The following TAF2 variants were observed in gnomAD, a reference collection of about 807,000 sequenced individuals.
The protein encoded by TAF2 is TATA-box binding protein associated factor 2, also known as transcription initiation factor TFIID subunit 2.
TAF2 carries 61 observed loss-of-function variants against 138.5 expected under a neutral mutation model. That is an observed-to-expected ratio of 0.44 (90% CI 0.36 to 0.54). The LOEUF is 0.54. Ranked by LOEUF, TAF2 falls within the 20% of genes least tolerant of loss-of-function variation. TAF2 has a pLI of 0.00. For synonymous variants in TAF2, 475 were observed against 469.9 expected, an observed-to-expected ratio of 1.01 and a Z score of -0.14; for missense variants, 1,090 against 1,427.9, an observed-to-expected ratio of 0.76 and a Z score of 3.81.
At chr8:119,824,326 AG>A (rs1374322692) in intron 2 of TAF2, among the ~76,000 whole-genome samples, 1 of 151,454 alleles carries the variant, frequency 6.6e-6, no homozygotes, top group Admixed American at 6.6e-5. Flanking sequence ...GCTACTCAGG[AG>A]GCTGAGATAG....
chr8:119,755,107 T>G (rs1316735806), intron 22 of TAF2, among the ~76,000 whole-genome samples: 2 of 152,230 alleles, frequency 1.3e-5, no homozygotes, highest in Non-Finnish European at 2.9e-5. Context: ...AATCACACAT[T>G]AAGTAAATAA....
chr8:119,750,312 C>G (rs1586315430), intron 22 of TAF2, among the ~76,000 whole-genome samples: 1 of 152,142 alleles, frequency 6.6e-6, no homozygotes, highest in Admixed American at 6.5e-5. Flanking sequence ...CTGCACCCCA[C>G]CCTGGGTGAC....
At chr8:119,798,456 C>T (rs1254052697) in intron 6 of TAF2, among the ~76,000 whole-genome samples, 1 of 152,068 alleles carries the variant, frequency 6.6e-6, no homozygotes, top group Non-Finnish European at 1.5e-5. Flanking sequence ...TGATCTGTGC[C>T]AAATGAGTGC....
chr8:119,762,414 C>T lies in TAF2; in HGVS notation c.2558+1G>A. ...CTTTAAAGTAAGGAATTTAATCATA[C>T]CTGACAGTGATGGTATGCCTGTAAC... On this transcript the variant is annotated splice_donor_variant, in intron 19 of 25. Coordinates refer to ENST00000378164, the MANE Select transcript of TAF2 (RefSeq NM_003184.4). LOFTEE classifies it high-confidence loss of function. 6.2e-7 allele frequency: 1 copy of T among 1,613,096 alleles called. No homozygotes were observed. The highest frequency in any genetic ancestry group is 8.5e-7 in the Non-Finnish European group (1 of 1,179,334).
At position 119,797,647 on chromosome 8, in the gene TAF2, T is replaced by C; in HGVS notation, c.977+15A>G. On this transcript the variant is annotated intron_variant, in intron 7 of 25. Coordinates refer to ENST00000378164, the MANE Select transcript of TAF2 (RefSeq NM_003184.4). ...GATCTTAATTTAGGCATTTCAAATCTGAAGAGATACCAACCTAAAAATGCT... is the reference window on the plus strand; with the variant it reads ...GATCTTAATTTAGGCATTTCAAATCCGAAGAGATACCAACCTAAAAATGCT... 6.2e-7 allele frequency: 1 copy of C among 1,610,878 alleles called. No individual in the cohort carries two copies. Among genetic ancestry groups the C allele is most frequent in the Non-Finnish European group, 8.5e-7 (1 of 1,177,972 alleles).
intron 14 of TAF2, among the ~76,000 whole-genome samples, chr8:119,785,817 G>C (rs1277906341): frequency 6.6e-6 from 1 of 152,168 alleles, no homozygotes. Flanking sequence ...CAGGAACAGA[G>C]AAAACTTTTC....
At chr8:119,733,393 A>C (rs1819012145) in intron 25 of TAF2, among the ~76,000 whole-genome samples, 1 of 152,174 alleles carries the variant, frequency 6.6e-6, no homozygotes, top group Non-Finnish European at 1.5e-5. Flanking sequence ...AGTACAAAGA[A>C]AGAAACAGAA....
chr8:119,744,808 C>A, intron 23 of TAF2: 1 of 422,698 alleles, frequency 2.4e-6, no homozygotes, highest in Non-Finnish European at 4.7e-6. Context: ...AAAACCACTG[C>A]AAGTATTCAA....
rs374912220 is a variant in TAF2, at chr8:119,829,860, GTTT to G, written c.138+1814_138+1816del. Among the ~76,000 whole-genome samples the G allele has an allele frequency of 2.6e-3, 357 of 135,190 alleles. 3 individuals are homozygous for G. Among genetic ancestry groups the G allele is most frequent in the Middle Eastern group, 7.8e-3 (2 of 258 alleles). The allele number at this position is 135,190 out of a possible 152,430, so 88.7% of individuals were successfully genotyped here. Reference sequence around the variant, plus strand: ...TTACTTAACCTCCATTCTTTTTTTAGTTTTTTTTTTTTTTTTTGAGACGGAGTC... The same window carrying G: ...TTACTTAACCTCCATTCTTTTTTTAGTTTTTTTTTTTTTTGAGACGGAGTC... On this transcript the variant is annotated intron_variant, in intron 2 of 25. Coordinates refer to ENST00000378164, the MANE Select transcript of TAF2 (RefSeq NM_003184.4).
intron 3 of TAF2, among the ~76,000 whole-genome samples, chr8:119,809,081 T>A (rs548774588): frequency 1.3e-5 from 2 of 152,344 alleles, no homozygotes; most frequent in Admixed American, 6.5e-5. Context: ...AGATAGCATC[T>A]TCTTCTAGTA....
chr8:119,756,895 A>C (rs1382807565), intron 21 of TAF2, among the ~76,000 whole-genome samples: 1 of 152,142 alleles, frequency 6.6e-6, no homozygotes, highest in Non-Finnish European at 1.5e-5. Context: ...GTAAGAAGAA[A>C]CCTACTGCAG....
intron 16 of TAF2, 88 bp downstream of exon 16, chr8:119,783,292 AT>A: frequency 6.7e-7 from 1 of 1,500,196 alleles, no homozygotes; most frequent in South Asian, 1.3e-5. Flanking sequence ...TACCAAGTAA[AT>A]TTAAAGACTA....
chr8:119,731,867 A>C lies in TAF2; in HGVS notation c.*57T>G, dbSNP rs540063391. 3 of 1,538,218 alleles carry C rather than the reference A, an allele frequency of 2.0e-6. No individual in the cohort carries two copies. Among genetic ancestry groups the C allele is most frequent in the Non-Finnish European group, 2.7e-6 (3 of 1,111,996 alleles). On this transcript the variant is annotated 3_prime_UTR_variant, in exon 26 of 26. Transcript: ENST00000378164. ...TTTTATAATTCTTCACAGAGGACAAAGCTTTAGTTACATACATTCTTCTGG... is the reference window on the plus strand; with the variant it reads ...TTTTATAATTCTTCACAGAGGACAACGCTTTAGTTACATACATTCTTCTGG...
chr8:119,743,995 CAA>C (rs1465406793), intron 24 of TAF2, among the ~76,000 whole-genome samples: 9 of 152,110 alleles, frequency 5.9e-5, no homozygotes, highest in Admixed American at 5.2e-4. Context: ...TACATGAAGT[CAA>C]GTCTACCACA....
chr8:119,776,263 A>C (rs77930382), intron 18 of TAF2, among the ~76,000 whole-genome samples: 1,707 of 152,122 alleles, frequency 0.011, 35 homozygotes, highest in African/African-American at 0.039. Flanking sequence ...CTTTACGCTT[A>C]AATTATTTGA....
chr8:119,779,261 C>CACACAT (rs1241202204), intron 17 of TAF2, among the ~76,000 whole-genome samples: 9 of 151,452 alleles, frequency 5.9e-5, no homozygotes, highest in Non-Finnish European at 1.2e-4. Context: ...CACACACACA[C>CACACAT]ACACACACAC....
intron 17 of TAF2, 139 bp from the exon 18 acceptor site, chr8:119,778,268 A>G (rs1438703338): frequency 8.7e-6 from 5 of 576,628 alleles, no homozygotes; most frequent in Non-Finnish European, 1.5e-5. Context: ...CCACACCCCA[A>G]CCCCTCCCAC....
chr8:119,755,037 A>G (rs960475812), intron 22 of TAF2, among the ~76,000 whole-genome samples: 1 of 152,254 alleles, frequency 6.6e-6, no homozygotes, highest in Non-Finnish European at 1.5e-5. Context: ...CACTCATTTA[A>G]TTCTATTTGT....
Position 119,831,739 on chromosome 8 carries a change from A to G in TAF2, c.84-8T>C. The G allele has an allele frequency of 6.5e-7, 1 of 1,538,532 alleles. No homozygotes were observed. Among genetic ancestry groups the G allele is most frequent in the Non-Finnish European group, 8.8e-7 (1 of 1,134,540 alleles). The stretch of plus-strand genomic sequence containing the variant: ...CAGACGACCTGATGGGTTGTATATT[A>G]ATAAATATAAAAAGAAAATAAGGAA... On this transcript the variant is annotated splice_polypyrimidine_tract_variant and splice_region_variant and intron_variant, in intron 1 of 25. Transcript: ENST00000378164.
Sources: gnomAD v4.1 joint callset for allele counts (sites outside exome capture counted in the v4.1 genomes callset) on GRCh38, gnomAD v4.1.1 for gene constraint, MANE v1.5 for transcripts, NCBI Gene and HGNC (gene_info 2026-07-23, HGNC 2026-07-21) for gene names.